Variants in CDK15 observed in about 807,000 individuals in gnomAD.
CDK15 encodes the protein cyclin-dependent kinase 15.
CDK15 carries 62 observed loss-of-function variants against 60.3 expected under a neutral mutation model. The ratio of observed to expected loss-of-function variants is 1.03; its 90% CI spans 0.84 to 1.27. The LOEUF (loss-of-function observed/expected upper bound fraction) is 1.27. Among genes scored for constraint, CDK15 ranks in the 50% most tolerant of loss-of-function variants. The pLI is 0.00. For synonymous variants in CDK15, 194 were observed against 195.7 expected (o/e 0.99, Z 0.07); for missense variants, 541 against 527.8 (o/e 1.03, Z -0.25).
chr2:201,884,110 G>A (rs1373172438), intron 12 of CDK15, among the ~76,000 whole-genome samples: 1 of 152,174 alleles, frequency 6.6e-6, no homozygotes, highest in Non-Finnish European at 1.5e-5. Flanking sequence ...TTTTATCTGA[G>A]GCAGTAAATG....
intron 10 of CDK15, among the ~76,000 whole-genome samples, chr2:201,857,292 A>T (rs898118340): frequency 1.4e-5 from 2 of 146,982 alleles, no homozygotes; most frequent in South Asian, 2.2e-4. Context: ...GTTACATTTT[A>T]AAAAATTTTC....
At chr2:201,851,182 C>T (rs1697889414) in intron 9 of CDK15, among the ~76,000 whole-genome samples, 1 of 146,834 alleles carries the variant, frequency 6.8e-6, no homozygotes, top group Non-Finnish European at 1.5e-5. Context: ...GTCCCAGCTA[C>T]TTGGGAGGCT....
At chr2:201,824,812 G>T in intron 6 of CDK15, 1 of 675,850 alleles carries the variant, frequency 1.5e-6, no homozygotes, top group South Asian at 2.5e-5. Flanking sequence ...TCAGCCATCT[G>T]AAGGACAGTG....
intron 8 of CDK15, among the ~76,000 whole-genome samples, chr2:201,837,325 A>AGAGAGAG: frequency 1.5e-5 from 1 of 65,986 alleles, no homozygotes; most frequent in Non-Finnish European, 3.8e-5. Context: ...GAGAGAGAGA[A>AGAGAGAG]AGAAAGGAAA....
chr2:201,829,420 G>A (rs865985134), intron 6 of CDK15, among the ~76,000 whole-genome samples: 7 of 152,120 alleles, frequency 4.6e-5, no homozygotes, highest in Non-Finnish European at 7.3e-5. Flanking sequence ...CGGAACTGAC[G>A]GGAAAAACAA....
chr2:201,882,944 C>T lies in CDK15; in HGVS notation c.1198+2777C>T, dbSNP rs377227924. Among the ~76,000 whole-genome samples, 9 of 152,256 alleles carry T rather than the reference C, an allele frequency of 5.9e-5. No individual in the cohort carries two copies. Among genetic ancestry groups the T allele is most frequent in the African/African-American group, 2.2e-4 (9 of 41,540 alleles). On this transcript the variant is annotated intron_variant, in intron 12 of 13. Coordinates refer to ENST00000652192, the MANE Select transcript of CDK15 (RefSeq NM_001366386.2). The surrounding 1 kb of genome is among the most constrained non-coding windows in gnomAD (Gnocchi z 4.0). ...CCTGGCAATGAGCCTTTATTAACAGCCTCCTTTGCAGACAGAGCACACCAG... is the reference window on the plus strand; with the variant it reads ...CCTGGCAATGAGCCTTTATTAACAGTCTCCTTTGCAGACAGAGCACACCAG...
At chr2:201,870,324 T>G (rs1417266798) in intron 10 of CDK15, among the ~76,000 whole-genome samples, 1 of 152,162 alleles carries the variant, frequency 6.6e-6, no homozygotes, top group Non-Finnish European at 1.5e-5. Context: ...ATTATCAAAT[T>G]AATTTTTGCC....
intron 11 of CDK15, among the ~76,000 whole-genome samples, chr2:201,874,286 A>G (rs914778642): frequency 1.3e-5 from 2 of 152,182 alleles, no homozygotes; most frequent in Non-Finnish European, 2.9e-5. Flanking sequence ...GAATATCTCC[A>G]TCATCATGGA....
intron 9 of CDK15, 90 bp from the exon 10 acceptor site, chr2:201,854,784 T>C: frequency 9.4e-7 from 1 of 1,067,834 alleles, no homozygotes; most frequent in Non-Finnish European, 1.4e-6. Flanking sequence ...TCCCTGTTCT[T>C]CCCTGATTTG....
At chr2:201,870,661 C>T (rs1015987426) in intron 10 of CDK15, among the ~76,000 whole-genome samples, 1 of 152,138 alleles carries the variant, frequency 6.6e-6, no homozygotes, top group African/African-American at 2.4e-5. Context: ...GCCAGGAGTT[C>T]CAGGCTGCAA....
intron 2 of CDK15, 80 bp from the exon 3 acceptor site, chr2:201,807,778 G>A: frequency 1.3e-6 from 2 of 1,546,144 alleles, no homozygotes; most frequent in South Asian, 1.2e-5. Context: ...TTTCCCTGGG[G>A]AAAAAAAGTC....
intron 11 of CDK15, among the ~76,000 whole-genome samples, chr2:201,875,423 TA>T (rs1477775312): frequency 3.3e-5 from 5 of 152,206 alleles, no homozygotes; most frequent in Non-Finnish European, 7.3e-5. Flanking sequence ...TAACATGTTG[TA>T]TATATCCTTC....
At chr2:201,830,630 G>A (rs183642599) in intron 6 of CDK15, among the ~76,000 whole-genome samples, 207 of 152,252 alleles carry the variant, frequency 1.4e-3, no homozygotes, top group Non-Finnish European at 2.5e-3. Context: ...CTGTTCTCAT[G>A]GGCACTAATG....
Position 201,835,707 on chromosome 2 carries a change from C to T in CDK15, c.795C>T (p.Tyr265=). 6.2e-6 allele frequency: 10 copies of T among 1,611,174 alleles called. No homozygotes were observed. Among genetic ancestry groups the T allele is most frequent in the South Asian group, 1.1e-5 (1 of 90,768 alleles). The part of the protein sequence containing the change: ...TYSSEVVTLW[Y]RPPDALLGAT... ...CTTCAGAAGTCGTGACCCTCTGGTA[C>T]CGGCCCCCTGATGCTTTGCTGGGAG... The change falls in exon 8 of 14, where the codon TAC becomes TAT. Residue 265 remains tyrosine (Y), a synonymous_variant. Coordinates refer to ENST00000652192, the MANE Select transcript of CDK15 (RefSeq NM_001366386.2).
chr2:201,849,506 C>T (rs893811604), intron 9 of CDK15, among the ~76,000 whole-genome samples: 1 of 151,380 alleles, frequency 6.6e-6, no homozygotes, highest in African/African-American at 2.4e-5. Flanking sequence ...AGTAACTCTA[C>T]AAGACTCTAC....
chr2:201,844,866 A>G (rs538644781), intron 8 of CDK15, among the ~76,000 whole-genome samples: 10 of 151,850 alleles, frequency 6.6e-5, no homozygotes, highest in African/African-American at 1.9e-4. Flanking sequence ...ATCAGCAATA[A>G]GGCCGGGTGT....
intron 11 of CDK15, among the ~76,000 whole-genome samples, chr2:201,877,132 A>T (rs2105826886): frequency 6.6e-6 from 1 of 152,272 alleles, no homozygotes; most frequent in South Asian, 2.1e-4. Flanking sequence ...GGGTGCCCCT[A>T]ATACCCCTGT....
intron 11 of CDK15, among the ~76,000 whole-genome samples, chr2:201,879,402 CAG>C (rs1363937221): frequency 2.6e-5 from 4 of 152,294 alleles, no homozygotes; most frequent in East Asian, 1.9e-4. Context: ...TTGTTTGAGA[CAG>C]AGTCTTGTTC....
intron 12 of CDK15, among the ~76,000 whole-genome samples, chr2:201,888,033 C>CTTTTT (rs80136808): frequency 7.9e-6 from 1 of 126,446 alleles, no homozygotes; most frequent in African/African-American, 2.9e-5. Context: ...AATTTTCAAC[C>CTTTTT]TTTTTTTTTT....
Sources: gnomAD v4.1 joint callset for allele counts (sites outside exome capture counted in the v4.1 genomes callset) on GRCh38, gnomAD v4.1.1 for gene constraint, Gnocchi (gnomAD v3.1) non-coding constraint, MANE v1.5 for transcripts, NCBI Gene and HGNC (gene_info 2026-07-23, HGNC 2026-07-21) for gene names.